ABCC2: variants seen among roughly 807,000 people sequenced by gnomAD.
ABCC2 encodes the protein ATP binding cassette subfamily C member 2.
In ABCC2, 157 loss-of-function variants were observed where a neutral mutation model predicts 173.4. That is an observed-to-expected ratio of 0.91 (90% CI 0.80 to 1.03). ABCC2 has a LOEUF of 1.03. ABCC2 is among the 50% of genes least tolerant of loss of function. ABCC2 has a pLI of 0.00. For missense variants in ABCC2, 1,822 were observed against 1,852.3 expected, an observed-to-expected ratio of 0.98 and a Z score of 0.30; for synonymous variants, 657 against 693.5, an observed-to-expected ratio of 0.95 and a Z score of 0.83.
At chr10:99,789,739 GA>G (rs1373915414) in intron 2 of ABCC2, among the ~76,000 whole-genome samples, 2 of 128,912 alleles carry the variant, frequency 1.6e-5, no homozygotes, top group African/African-American at 6.0e-5. Context: ...AAAAGGAAAA[GA>G]AAAAGAAAGA....
chr10:99,795,373 T>A (rs1355536341), intron 6 of ABCC2, among the ~76,000 whole-genome samples: 2 of 152,138 alleles, frequency 1.3e-5, no homozygotes, highest in Non-Finnish European at 2.9e-5. Flanking sequence ...AATTTTAAAG[T>A]AGTTATGAGC....
Position 99,794,437 on chromosome 10 carries a change from C to G in ABCC2, c.601C>G (p.Leu201Val), listed in dbSNP as rs749655460. The G allele has an allele frequency of 6.2e-6, 10 of 1,613,878 alleles. No individual in the cohort carries two copies. Among genetic ancestry groups the G allele is most frequent in the Middle Eastern group, 1.6e-4 (1 of 6,084 alleles). Residue 201 changes from leucine to valine, a missense_variant, in exon 6 of 32, where the codon CTG (leucine) becomes GTG (valine). Physicochemically the swap from Leu to Val is conservative, Grantham distance 32 (BLOSUM62 1). Transcript: ENST00000647814. ...SNNPSSIASF[L>V]SSITYSWYDS... ...GAATCCATCATCCATAGCTTCATTC[C>G]TGAGTAGCATTACCTACAGCTGGTA...
chr10:99,797,417 T>G, intron 7 of ABCC2, 86 bp downstream of exon 7: 1 of 1,208,508 alleles, frequency 8.3e-7, no homozygotes, highest in Non-Finnish European at 1.2e-6. Context: ...GTCCTTACAT[T>G]TTTATAGCAC....
intron 1 of ABCC2, among the ~76,000 whole-genome samples, chr10:99,784,387 G>A (rs1445899218): frequency 2.0e-5 from 3 of 152,176 alleles, no homozygotes; most frequent in Admixed American, 6.5e-5. Flanking sequence ...AAGAAGACAC[G>A]TTTTTGGAGG....
chr10:99,847,062 G>A lies in ABCC2; in HGVS notation c.4248G>A (p.Lys1416=). The stretch of plus-strand genomic sequence containing the variant: ...AGGCCTTGGAGCTGGCTCACCTCAA[G>A]TCTTTTGTGGCCAGCCTGCAACTTG... ...IWKALELAHL[K]SFVASLQLGL... Residue 1416 remains lysine (K), a synonymous_variant, in exon 30 of 32, where the codon AAG becomes AAA. Transcript: ENST00000647814. The A allele has an allele frequency of 1.2e-6, 2 of 1,614,198 alleles. No individual in the cohort carries two copies. Among genetic ancestry groups the A allele is most frequent in the Non-Finnish European group, 1.7e-6 (2 of 1,180,040 alleles).
At chr10:99,842,412 C>A (rs2038961463) in intron 26 of ABCC2, among the ~76,000 whole-genome samples, 1 of 152,170 alleles carries the variant, frequency 6.6e-6, no homozygotes, top group Non-Finnish European at 1.5e-5. Context: ...ACTTTCTTCT[C>A]TAGAACGTAG....
chr10:99,845,616 A>G lies in ABCC2; in HGVS notation c.3988-8A>G, dbSNP rs530684676. On this transcript the variant is annotated splice_region_variant and splice_polypyrimidine_tract_variant and intron_variant, in intron 28 of 31. Transcript: ENST00000647814. ...TGGAACTAATGTGTAAGGGAACTAT[A>G]TTCGCAGATTGGTGTGGTGGGCAGG... 1 of 1,614,068 alleles carries G rather than the reference A, an allele frequency of 6.2e-7. No homozygotes were observed. The highest frequency in any genetic ancestry group is 1.7e-5 in the Admixed American group (1 of 60,024).
chr10:99,784,755 A>G lies in ABCC2; in HGVS notation c.181A>G (p.Thr61Ala), dbSNP rs1438020162. 6.2e-7 allele frequency: 1 copy of G among 1,614,044 alleles called. No homozygotes were observed. The highest frequency in any genetic ancestry group is 8.5e-7 in the Non-Finnish European group (1 of 1,180,012). ...TAAATCCAGGACCAAGAGATCCTCT[A>G]CCACCAAACTCTATCTTGCTAAGCA... ...VYKSRTKRSS[T>A]TKLYLAKQVF... Residue 61 changes from threonine (T) to alanine (A), a missense_variant, in exon 2 of 32, where the codon ACC becomes GCC. By Grantham distance (58) the Thr-to-Ala change is moderately conservative. Coordinates refer to ENST00000647814, the MANE Select transcript of ABCC2 (RefSeq NM_000392.5).
intron 23 of ABCC2, among the ~76,000 whole-genome samples, chr10:99,833,128 A>C (rs373147976): frequency 1.3e-5 from 2 of 152,322 alleles, no homozygotes; most frequent in Admixed American, 6.5e-5. Context: ...GGACACAGTA[A>C]CTGCTTCAAA....
chr10:99,814,183 G>GTGTATA (rs2038283041), intron 16 of ABCC2, among the ~76,000 whole-genome samples: 1 of 79,034 alleles, frequency 1.3e-5, no homozygotes, highest in Non-Finnish European at 2.6e-5. Context: ...ACACATGTAT[G>GTGTATA]TATACACACA....
chr10:99,792,107 A>G, intron 2 of ABCC2, 127 bp from the exon 3 acceptor site: 2 of 1,226,086 alleles, frequency 1.6e-6, no homozygotes, highest in South Asian at 2.4e-5. Context: ...CATTCTTTCC[A>G]GAAATATTTA....
chr10:99,799,307 T>G lies in ABCC2; in HGVS notation c.968T>G (p.Leu323Arg). ...ALFKTFYMVLLKSFLLKLVND... is the reference protein window; with the variant it reads ...ALFKTFYMVLRKSFLLKLVND... ...TTCAAAACTTTCTACATGGTGCTCC[T>G]GAAATCATTCCTACTGAAGCTAGTG... is the stretch of plus-strand genomic sequence containing the variant. Residue 323 changes from leucine to arginine, a missense_variant, in exon 8 of 32, where the codon CTG (leucine) becomes CGG (arginine). Leu to Arg is a moderately radical substitution (Grantham distance 102). Coordinates refer to ENST00000647814, the MANE Select transcript of ABCC2 (RefSeq NM_000392.5). The G allele has an allele frequency of 1.9e-6, 3 of 1,614,194 alleles. No individual in the cohort carries two copies. The highest frequency in any genetic ancestry group is 2.5e-6 in the Non-Finnish European group (3 of 1,180,022).
chr10:99,795,742 A>G (rs12359960), intron 6 of ABCC2, among the ~76,000 whole-genome samples: 2 of 32,580 alleles, frequency 6.1e-5, no homozygotes, highest in East Asian at 9.0e-4. Context: ...AAAGAAGGAA[A>G]GAAAGAAAGA....
intron 3 of ABCC2, 107 bp from the exon 4 acceptor site, chr10:99,793,444 T>A (rs1392910118): frequency 6.6e-7 from 1 of 1,519,080 alleles, no homozygotes; most frequent in Non-Finnish European, 9.1e-7. Context: ...GTCACGACAG[T>A]CTCCTCCCTC....
intron 16 of ABCC2, among the ~76,000 whole-genome samples, chr10:99,814,210 C>CAT (rs1564683675): frequency 6.5e-4 from 39 of 59,812 alleles, no homozygotes; most frequent in Admixed American, 1.1e-3. Context: ...TATATACACA[C>CAT]ATGTGTATAT....
chr10:99,792,478 A>G, intron 3 of ABCC2, 119 bp downstream of exon 3: 2 of 1,483,036 alleles, frequency 1.3e-6, no homozygotes, highest in Non-Finnish European at 1.9e-6. Flanking sequence ...CGCGGGATCC[A>G]TAGTGAGGCA....
chr10:99,791,303 G>A (rs1284978887), intron 2 of ABCC2, among the ~76,000 whole-genome samples: 1 of 152,156 alleles, frequency 6.6e-6, no homozygotes, highest in African/African-American at 2.4e-5. Flanking sequence ...AGCTACTCGG[G>A]AGGCTGAGGC....
At chr10:99,830,261 A>G (rs887838407) in intron 19 of ABCC2, 46 bp from the exon 20 acceptor site, 1 of 1,613,508 alleles carries the variant, frequency 6.2e-7, no homozygotes. Flanking sequence ...TAGGACTGAC[A>G]GGGATCTATG....
At chr10:99,814,088 T>TGC (rs1554850373) in intron 16 of ABCC2, among the ~76,000 whole-genome samples, 1 of 96,568 alleles carries the variant, frequency 1.0e-5, no homozygotes, top group African/African-American at 3.8e-5. Flanking sequence ...TATGTGTATA[T>TGC]ACACATATAT....
Sources: gnomAD v4.1 joint callset for allele counts (sites outside exome capture counted in the v4.1 genomes callset) on GRCh38, gnomAD v4.1.1 for gene constraint, MANE v1.5 for transcripts, NCBI Gene and HGNC (gene_info 2026-07-23, HGNC 2026-07-21) for gene names.